Variants in SV2B observed in about 807,000 individuals in gnomAD.
SV2B encodes solute carrier family 22 member B2.
SV2B carries 41 observed loss-of-function variants against 73.9 expected under a neutral mutation model. That is an observed-to-expected ratio of 0.56 (90% CI 0.43 to 0.72). SV2B has a LOEUF of 0.72. Ranked by LOEUF, SV2B falls within the 30% of genes least tolerant of loss-of-function variation. The pLI is 0.00. For synonymous variants in SV2B, 314 were observed against 314.2 expected (o/e 1.00, Z 0.01); for missense variants, 764 against 857.8 (o/e 0.89, Z 1.37).
chr15:91,221,336 T>C (rs2046203763), intron 1 of SV2B, among the ~76,000 whole-genome samples: 1 of 152,164 alleles, frequency 6.6e-6, no homozygotes, highest in African/African-American at 2.4e-5. Flanking sequence ...GAGCAGTTAA[T>C]AGCTTGCACG....
At position 91,258,945 on chromosome 15, in the gene SV2B, A is replaced by G. The variant is rs981464889; in HGVS notation, c.918+391A>G. Among the ~76,000 whole-genome samples the G allele has an allele frequency of 6.1e-5, 9 of 148,168 alleles. No homozygotes were observed. The highest frequency in any genetic ancestry group is 1.7e-4 in the African/African-American group (7 of 40,002). On this transcript the variant is annotated intron_variant, in intron 5 of 12. Coordinates refer to ENST00000394232, the MANE Select transcript of SV2B (RefSeq NM_001323032.3). The surrounding 1 kb of genome is among the most constrained non-coding windows in gnomAD (Gnocchi z 4.7). ...CTACAAAAAAAAAAAAAAAAAAATTAGTTGAGCGATTTGGTGCGTGCATGC... is the reference window on the plus strand; with the variant it reads ...CTACAAAAAAAAAAAAAAAAAAATTGGTTGAGCGATTTGGTGCGTGCATGC...
At chr15:91,218,030 G>T (rs752284010) in intron 1 of SV2B, among the ~76,000 whole-genome samples, 2 of 152,154 alleles carry the variant, frequency 1.3e-5, no homozygotes, top group African/African-American at 4.8e-5. Context: ...CTTTCTTATC[G>T]TTGCTAGGAT....
intron 1 of SV2B, among the ~76,000 whole-genome samples, chr15:91,215,638 A>G (rs913741205): frequency 6.6e-6 from 1 of 152,160 alleles, no homozygotes; most frequent in East Asian, 1.9e-4. Flanking sequence ...TACATGATCT[A>G]CCTAGCATTT....
intron 6 of SV2B, among the ~76,000 whole-genome samples, chr15:91,263,571 C>G (rs1161863385): frequency 6.6e-6 from 1 of 151,014 alleles, no homozygotes; most frequent in African/African-American, 2.4e-5. Flanking sequence ...GAGACACACA[C>G]AGACACAGAC....
chr15:91,165,061 A>T (rs2043862360), intron 1 of SV2B, among the ~76,000 whole-genome samples: 1 of 152,152 alleles, frequency 6.6e-6, no homozygotes, highest in African/African-American at 2.4e-5. Context: ...TTTAGGCTGG[A>T]CATGGTGGCT....
Position 91,105,244 on chromosome 15 carries a change from G to A in SV2B, c.-392+4881G>A, listed in dbSNP as rs2041850597. Among the ~76,000 whole-genome samples, 1 of 152,218 alleles carries A rather than the reference G, an allele frequency of 6.6e-6. No homozygotes were observed. Among genetic ancestry groups the A allele is most frequent in the Admixed American group, 6.5e-5 (1 of 15,282 alleles). On this transcript the variant is annotated intron_variant, in intron 1 of 12. Coordinates refer to ENST00000394232, the MANE Select transcript of SV2B (RefSeq NM_001323032.3). This position sits in a 1 kb window ranked among gnomAD's most constrained non-coding sequence, Gnocchi z 5.5. ...AGGTGATTAAGGAATGTTGAGCAGG[G>A]AAAGGAAGATGGGGGGTGCCTTGTT...
In SV2B at chr15:91,123,531, A is replaced by G. The variant is rs146805865; in HGVS notation, c.-392+23168A>G. 3.2e-3 allele frequency among the ~76,000 whole-genome samples: 494 copies of G among 152,278 alleles called. 4 individuals are homozygous for G. The highest frequency in any genetic ancestry group is 0.011 in the African/African-American group (459 of 41,570). ...GCCTGCACTTGGGTACCCCGGGAGA[A>G]CTTAGGGAGACGGGATCTGGTTCCA... On this transcript the variant is annotated intron_variant, in intron 1 of 12. Transcript: ENST00000394232. The surrounding 1 kb of genome is among the most constrained non-coding windows in gnomAD (Gnocchi z 4.7).
chr15:91,294,567 A>G lies in SV2B; in HGVS notation c.*2015A>G, dbSNP rs1296918907. On this transcript the variant is annotated 3_prime_UTR_variant, in exon 13 of 13. Transcript: ENST00000394232. The surrounding 1 kb of genome is among the most constrained non-coding windows in gnomAD (Gnocchi z 4.1). ...GTAATATAGCTGTAATTTACTTTCC[A>G]TATGAATACAGTGGCTAGGTTCATA... The G allele has an allele frequency of 6.6e-6, 1 of 152,124 alleles. No individual in the cohort carries two copies. Among genetic ancestry groups the G allele is most frequent in the Non-Finnish European group, 1.5e-5 (1 of 68,044 alleles). The allele number at this position is 152,124 out of a possible 1,614,324, so 9.4% of individuals were successfully genotyped here.
chr15:91,127,353 C>G (rs2042514894), intron 1 of SV2B, among the ~76,000 whole-genome samples: 1 of 152,024 alleles, frequency 6.6e-6, no homozygotes, highest in Non-Finnish European at 1.5e-5. Context: ...AGAGGCCAGG[C>G]TGGAAACAGA....
rs371614856 is a variant in SV2B, at chr15:91,158,396, G to A, written c.-392+58033G>A. 3.9e-5 allele frequency among the ~76,000 whole-genome samples: 6 copies of A among 152,054 alleles called. No individual in the cohort carries two copies. In the East Asian group the frequency reaches 7.8e-4, roughly 20 times the overall value. ...GGGGACCCTTGAATGAATGAATGAGGCAATATGTGGTTTTATTTATTTGTT... is the reference window on the plus strand; with the variant it reads ...GGGGACCCTTGAATGAATGAATGAGACAATATGTGGTTTTATTTATTTGTT... On this transcript the variant is annotated intron_variant, in intron 1 of 12. Coordinates refer to ENST00000394232, the MANE Select transcript of SV2B (RefSeq NM_001323032.3).
At chr15:91,133,012 T>C (rs2042703888) in intron 1 of SV2B, among the ~76,000 whole-genome samples, 1 of 152,224 alleles carries the variant, frequency 6.6e-6, no homozygotes, top group African/African-American at 2.4e-5. Context: ...ATGTTACCTC[T>C]GTTAGTTTAT....
At chr15:91,146,970 C>T (rs2043164730) in intron 1 of SV2B, among the ~76,000 whole-genome samples, 3 of 152,268 alleles carry the variant, frequency 2.0e-5, no homozygotes, top group African/African-American at 4.8e-5. Context: ...GCAATGTTTG[C>T]AAAGCTTCTG....
chr15:91,258,799 T>C lies in SV2B; in HGVS notation c.918+245T>C, dbSNP rs1425724633. Among the ~76,000 whole-genome samples the C allele has an allele frequency of 6.6e-6, 1 of 151,940 alleles. No homozygotes were observed. The highest frequency in any genetic ancestry group is 1.5e-5 in the Non-Finnish European group (1 of 67,990). ...AGCTTGTGGAGCCCAGAGCAGGAGC[T>C]CTTTCCCAAGGCTGTGCAGTGGTGG... On this transcript the variant is annotated intron_variant, in intron 5 of 12. Coordinates refer to ENST00000394232, the MANE Select transcript of SV2B (RefSeq NM_001323032.3). The surrounding 1 kb of genome is among the most constrained non-coding windows in gnomAD (Gnocchi z 4.7).
At chr15:91,244,808 A>G (rs1312270261) in intron 2 of SV2B, among the ~76,000 whole-genome samples, 1 of 152,250 alleles carries the variant, frequency 6.6e-6, no homozygotes, top group Non-Finnish European at 1.5e-5. Context: ...GACAGGAATT[A>G]CTTTTTAGAG....
intron 1 of SV2B, among the ~76,000 whole-genome samples, chr15:91,153,308 C>T (rs1410283967): frequency 6.6e-6 from 1 of 152,140 alleles, no homozygotes; most frequent in East Asian, 1.9e-4. Flanking sequence ...CACTATTGGA[C>T]CACGTCACAT....
rs138012398 is a variant in SV2B at position 91,292,223 on chromosome 15, C to T, written c.1869-146C>T. 5.5e-4 allele frequency: 371 copies of T among 669,962 alleles called. 3 individuals carry two copies. The African/African-American group carries it at 6.4e-3, about 12-fold the overall frequency. 41.5% of individuals were successfully genotyped at this position (669,962 alleles called of 1,614,324 possible). ...TATTATTCTGTATTTCCAAATTTGA[C>T]TACAATGAGAATGTGTTATTTTTAT... On this transcript the variant is annotated intron_variant, in intron 12 of 12. Coordinates refer to ENST00000394232, the MANE Select transcript of SV2B (RefSeq NM_001323032.3).
At chr15:91,165,048 T>C (rs537525381) in intron 1 of SV2B, among the ~76,000 whole-genome samples, 1 of 152,302 alleles carries the variant, frequency 6.6e-6, no homozygotes, top group Admixed American at 6.5e-5. Flanking sequence ...TCAAAAAATT[T>C]TTTTTAGGCT....
chr15:91,195,011 C>T (rs2045193746), intron 1 of SV2B, among the ~76,000 whole-genome samples: 1 of 151,890 alleles, frequency 6.6e-6, no homozygotes, highest in Admixed American at 6.5e-5. Flanking sequence ...GCCTGGGAGG[C>T]CCACAGTGGA....
intron 2 of SV2B, among the ~76,000 whole-genome samples, chr15:91,251,580 G>A (rs1280929777): frequency 6.6e-6 from 1 of 152,156 alleles, no homozygotes; most frequent in East Asian, 1.9e-4. Flanking sequence ...AGCCATCTCA[G>A]TTTTGGTTGA....
Sources: allele counts gnomAD v4.1 joint callset (sites outside exome capture counted in the v4.1 genomes callset), GRCh38; gene constraint gnomAD v4.1.1; non-coding constraint Gnocchi (gnomAD v3.1); transcripts MANE v1.5; gene names NCBI Gene and HGNC (gene_info 2026-07-23, HGNC 2026-07-21).